ECD: variants seen among roughly 807,000 people sequenced by gnomAD.
ECD encodes the protein protein ecdysoneless homolog.
A neutral mutation model predicts 77.2 loss-of-function variants in ECD; 59 were observed. The ratio of observed to expected loss-of-function variants is 0.76; its 90% CI spans 0.62 to 0.95. The LOEUF is 0.95. Ranked by LOEUF, ECD falls within the 40% of genes least tolerant of loss-of-function variation. The pLI is 0.00. For missense variants in ECD, 704 were observed against 763.4 expected (o/e 0.92, Z 0.92); for synonymous variants, 233 against 267.4 (o/e 0.87, Z 1.26).
At chr10:73,144,258 T>C (rs1026136958) in intron 9 of ECD, among the ~76,000 whole-genome samples, 1 of 152,180 alleles carries the variant, frequency 6.6e-6, no homozygotes, top group Non-Finnish European at 1.5e-5. Context: ...TTACAATCTC[T>C]GATAAATTAG....
chr10:73,138,018 A>G lies in ECD; in HGVS notation c.1474T>C (p.Phe492Leu). The G allele has an allele frequency of 6.3e-7, 1 of 1,597,312 alleles. No individual in the cohort carries two copies. Among genetic ancestry groups the G allele is most frequent in the Admixed American group, 1.8e-5 (1 of 56,810 alleles). The change falls in exon 12 of 14, where the codon TTT (phenylalanine) becomes CTT (leucine). Residue 492 changes from phenylalanine (F) to leucine (L), a missense_variant. Phe to Leu is a conservative substitution (Grantham distance 22). Around this residue, in one of 3 missense-constraint regions of ECD, gnomAD observed 559 missense variants for 583.7 expected, o/e 0.96. Coordinates refer to ENST00000372979, the MANE Select transcript of ECD (RefSeq NM_007265.3). ...CACTACTTACCTAAAATCTTATCAAAATAATTAAGAAAAGAATCTGCATCA... is the reference window on the plus strand; with the variant it reads ...CACTACTTACCTAAAATCTTATCAAGATAATTAAGAAAAGAATCTGCATCA... Reference protein sequence around the residue: ...TFDADSFLNYFDKILGPRPNE... With the variant: ...TFDADSFLNYLDKILGPRPNE...
intron 9 of ECD, among the ~76,000 whole-genome samples, chr10:73,145,138 T>C (rs1225834854): frequency 6.6e-6 from 1 of 151,912 alleles, no homozygotes; most frequent in Non-Finnish European, 1.5e-5. Flanking sequence ...CCAAGGTGGG[T>C]GGATCACCTG....
At chr10:73,143,334 A>C (rs1393939937) in intron 9 of ECD, among the ~76,000 whole-genome samples, 1 of 108,834 alleles carries the variant, frequency 9.2e-6, no homozygotes, top group Non-Finnish European at 1.8e-5. Context: ...ACGCCCAGCT[A>C]ATTTTTGAAT....
intron 2 of ECD, among the ~76,000 whole-genome samples, chr10:73,161,974 T>C (rs1287227799): frequency 1.3e-5 from 2 of 152,164 alleles, no homozygotes; most frequent in African/African-American, 4.8e-5. Flanking sequence ...TGGCAAACAA[T>C]AGGTAGAAGA....
intron 13 of ECD, 115 bp downstream of exon 13, chr10:73,136,589 A>G (rs931850690): frequency 3.2e-6 from 3 of 946,438 alleles, no homozygotes; most frequent in African/African-American, 3.3e-5. Flanking sequence ...AACAATTAAC[A>G]TTCTTATTTA....
chr10:73,139,857 T>G (rs1247926672), intron 9 of ECD, 120 bp from the exon 10 acceptor site: 18 of 684,752 alleles, frequency 2.6e-5, no homozygotes, highest in South Asian at 4.6e-5. Flanking sequence ...GTGTTTTTTT[T>G]TTTTTTTTTT....
intron 9 of ECD, among the ~76,000 whole-genome samples, chr10:73,144,662 T>A (rs1443145153): frequency 1.3e-5 from 2 of 152,166 alleles, no homozygotes. Context: ...ATTCCTTTAC[T>A]TTCTTAATAA....
At chr10:73,142,874 T>C (rs1843076931) in intron 9 of ECD, among the ~76,000 whole-genome samples, 1 of 152,162 alleles carries the variant, frequency 6.6e-6, no homozygotes, top group Admixed American at 6.5e-5. Context: ...CTTCACTTCA[T>C]TCAGGTCTCT....
chr10:73,147,276 G>A (rs183126140), intron 8 of ECD, among the ~76,000 whole-genome samples: 25 of 151,982 alleles, frequency 1.6e-4, no homozygotes, highest in Admixed American at 8.5e-4. Flanking sequence ...AGCTGGGCAC[G>A]GTGGCTCACG....
intron 5 of ECD, 43 bp from the exon 6 acceptor site, chr10:73,154,491 A>G (rs1269104506): frequency 6.6e-7 from 1 of 1,517,352 alleles, no homozygotes; most frequent in Non-Finnish European, 8.8e-7. Context: ...CAGTATATAA[A>G]TACCTATAAT....
At chr10:73,137,982 C>A in intron 12 of ECD, 21 bp downstream of exon 12, 1 of 1,548,544 alleles carries the variant, frequency 6.5e-7, no homozygotes, top group South Asian at 1.2e-5. Flanking sequence ...AAATGAAAGT[C>A]AACATCACAC....
chr10:73,161,406 G>A (rs911299874), intron 2 of ECD, among the ~76,000 whole-genome samples: 6 of 151,966 alleles, frequency 3.9e-5, no homozygotes, highest in Non-Finnish European at 1.5e-5. Flanking sequence ...AAATAAGAAG[G>A]ATAAGAGAAT....
chr10:73,156,031 T>G (rs1435856235), intron 5 of ECD, among the ~76,000 whole-genome samples: 1 of 152,208 alleles, frequency 6.6e-6, no homozygotes, highest in African/African-American at 2.4e-5. Context: ...TGAATGGGAA[T>G]TTAAAGATGT....
intron 5 of ECD, among the ~76,000 whole-genome samples, 196 bp downstream of exon 5, chr10:73,156,079 A>G (rs1843291591): frequency 6.6e-6 from 1 of 152,208 alleles, no homozygotes; most frequent in Admixed American, 6.5e-5. Context: ...AGTTTAATTT[A>G]CTAGTCTATT....
Position 73,156,305 on chromosome 10 carries a change from A to G in ECD, c.560T>C (p.Ile187Thr). The change falls in exon 5 of 14, where the codon ATA becomes ACA. Residue 187 changes from isoleucine (I) to threonine (T), a missense_variant. Transcript: ENST00000372979. ...GATGCGCCTATTCACAGCAGCTCGTATAGATTCTGAAGCAAGTATTTTTTC... is the reference window on the plus strand; with the variant it reads ...GATGCGCCTATTCACAGCAGCTCGTGTAGATTCTGAAGCAAGTATTTTTTC... ...HSEKILASES[I>T]RAAVNRRIRG... 6.2e-7 allele frequency: 1 copy of G among 1,608,846 alleles called. No homozygotes were observed. Among genetic ancestry groups the G allele is most frequent in the Non-Finnish European group, 8.5e-7 (1 of 1,178,414 alleles).
intron 3 of ECD, among the ~76,000 whole-genome samples, chr10:73,159,443 A>G (rs1843345195): frequency 6.6e-6 from 1 of 152,180 alleles, no homozygotes; most frequent in East Asian, 1.9e-4. Flanking sequence ...TATGAATGGA[A>G]TTTTATTTTT....
At chr10:73,167,624 C>G (rs755541248) in intron 1 of ECD, among the ~76,000 whole-genome samples, 4 of 152,124 alleles carry the variant, frequency 2.6e-5, no homozygotes, top group Non-Finnish European at 5.9e-5. Flanking sequence ...CCCAGAGGGA[C>G]AGACAGTAAT....
At position 73,134,615 on chromosome 10, in the gene ECD, G is replaced by T; in HGVS notation, c.1903C>A (p.His635Asn). Reference protein sequence around the residue: ...MGVQLPDNTDHRPTSKPTKN With the variant: ...MGVQLPDNTDNRPTSKPTKN ...TTTGTTGGCTTACTTGTTGGTCTGT[G>T]ATCGGTGTTGTCAGGCAGCTGCACT... is the stretch of plus-strand genomic sequence containing the variant. Residue 635 changes from histidine to asparagine, a missense_variant, in exon 14 of 14, where the codon CAC (histidine) becomes AAC (asparagine). This residue lies in a region of ECD where 142 missense variants were observed against 163.6 expected (regional missense o/e 0.87). Transcript: ENST00000372979. 1 of 1,614,182 alleles carries T rather than the reference G, an allele frequency of 6.2e-7. No individual in the cohort carries two copies. The highest frequency in any genetic ancestry group is 1.1e-5 in the South Asian group (1 of 91,078).
At chr10:73,164,796 T>C (rs754748299) in intron 1 of ECD, among the ~76,000 whole-genome samples, 5 of 152,248 alleles carry the variant, frequency 3.3e-5, no homozygotes, top group African/African-American at 4.8e-5. Flanking sequence ...CTTAAAACTT[T>C]ATCTTTAAAA....
Sources: allele counts gnomAD v4.1 joint callset (sites outside exome capture counted in the v4.1 genomes callset), GRCh38; gene constraint gnomAD v4.1.1; regional missense constraint gnomAD v4.1.1; transcripts MANE v1.5; gene names NCBI Gene and HGNC (gene_info 2026-07-23, HGNC 2026-07-21).